Variants in ACSL3 observed in about 807,000 individuals in gnomAD.
ACSL3 encodes fatty acid CoA ligase Acsl3.
In ACSL3, 34 loss-of-function variants were observed where a neutral mutation model predicts 84.7. That is an observed-to-expected ratio of 0.40 (90% confidence interval 0.31 to 0.53). ACSL3 has a LOEUF of 0.53. Ranked by LOEUF, ACSL3 falls within the 20% of genes least tolerant of loss-of-function variation. The pLI, the probability that ACSL3 is intolerant of heterozygous loss-of-function variation, is 0.48. For synonymous variants in ACSL3, 315 were observed against 299.4 expected, an observed-to-expected ratio of 1.05 and a Z score of -0.54; for missense variants, 680 against 873.1, an observed-to-expected ratio of 0.78 and a Z score of 2.79.
chr2:222,878,578 T>C (rs1280459226), intron 1 of ACSL3, among the ~76,000 whole-genome samples: 1 of 152,214 alleles, frequency 6.6e-6, no homozygotes, highest in Non-Finnish European at 1.5e-5. Context: ...TTGAATATAC[T>C]GTTTCTGAGG....
intron 4 of ACSL3, among the ~76,000 whole-genome samples, chr2:222,913,478 A>G (rs1055495337): frequency 2.6e-5 from 4 of 151,896 alleles, no homozygotes; most frequent in African/African-American, 7.3e-5. Context: ...CTTTCATCCT[A>G]TTTATTAAAG....
At chr2:222,900,330 C>T (rs1696106152) in intron 2 of ACSL3, among the ~76,000 whole-genome samples, 1 of 152,092 alleles carries the variant, frequency 6.6e-6, no homozygotes, top group Admixed American at 6.6e-5. Flanking sequence ...CTTCTCGGCC[C>T]CATGGATTGG....
At chr2:222,940,777 A>G (rs6734103) in intron 16 of ACSL3, among the ~76,000 whole-genome samples, 62,995 of 152,118 alleles carry the variant, frequency 0.41, 13,655 homozygotes, top group East Asian at 0.76. Flanking sequence ...CGTGTAAGAT[A>G]TGCTATGATG....
Position 222,941,817 on chromosome 2 carries a change from A to G in ACSL3, c.*163A>G, listed in dbSNP as rs1385317487. The G allele has an allele frequency of 7.2e-6, 5 of 691,028 alleles. No individual in the cohort carries two copies. 42.8% of individuals were successfully genotyped at this position (691,028 alleles called of 1,614,324 possible). ...CTGACAGGATTAGTAAAACATTAAG[A>G]CAGCAAACTTGTGTCTGTCTCTTCT... On this transcript the variant is annotated 3_prime_UTR_variant, in exon 17 of 17. Transcript: ENST00000357430.
At chr2:222,941,346 T>A (rs1697300924) in intron 16 of ACSL3, 151 bp from the exon 17 acceptor site, 5 of 608,186 alleles carry the variant, frequency 8.2e-6, no homozygotes, top group Non-Finnish European at 1.1e-5. Context: ...TACTTATGTT[T>A]GTATTTTGAG....
chr2:222,916,323 T>C lies in ACSL3; in HGVS notation c.383T>C (p.Ile128Thr). ...AATTTTTTTTTGTTTTATCAGGTTA[T>C]TCTTGGACAGTATAATTGGCTTTCC... ...QPNGKIFKKV[I>T]LGQYNWLSYE... Residue 128 changes from isoleucine to threonine, a missense_variant, in exon 5 of 17, where the codon ATT becomes ACT. By Grantham distance (89) the Ile-to-Thr change is moderately conservative. This residue lies in a region of ACSL3 where 333 missense variants were observed against 347.5 expected (regional missense o/e 0.96). Transcript: ENST00000357430. The C allele has an allele frequency of 6.2e-7, 1 of 1,601,996 alleles. No homozygotes were observed. The highest frequency in any genetic ancestry group is 8.5e-7 in the Non-Finnish European group (1 of 1,174,342).
At chr2:222,900,030 G>A (rs1402253559) in intron 2 of ACSL3, among the ~76,000 whole-genome samples, 2 of 152,080 alleles carry the variant, frequency 1.3e-5, no homozygotes, top group African/African-American at 2.4e-5. Flanking sequence ...TGGTTCAAAC[G>A]CCTCTGACAG....
At chr2:222,923,344 T>C (rs926147970) in intron 10 of ACSL3, among the ~76,000 whole-genome samples, 195 bp downstream of exon 10, 1 of 152,260 alleles carries the variant, frequency 6.6e-6, no homozygotes, top group Non-Finnish European at 1.5e-5. Flanking sequence ...TACTAAGCAC[T>C]CAACTTAATT....
At chr2:222,922,335 C>A (rs1193560005) in intron 8 of ACSL3, among the ~76,000 whole-genome samples, 1 of 152,116 alleles carries the variant, frequency 6.6e-6, no homozygotes, top group Non-Finnish European at 1.5e-5. Context: ...TGGATGATTT[C>A]TTCTGTTCTT....
rs548007374 is a variant in ACSL3, at chr2:222,873,933, A to G, written c.-207+12675A>G. Among the ~76,000 whole-genome samples, 6 of 152,354 alleles carry G rather than the reference A, an allele frequency of 3.9e-5. No individual in the cohort carries two copies. In the South Asian group the frequency reaches 1.2e-3, roughly 32 times the overall value. On this transcript the variant is annotated intron_variant, in intron 1 of 16. Coordinates refer to ENST00000357430, the MANE Select transcript of ACSL3 (RefSeq NM_004457.5). ...TTTAAAGGCTCTTAATAAAAATTAC[A>G]ATTGCTTCCCAGAGAGGTTGTACTT... is the stretch of plus-strand genomic sequence containing the variant.
chr2:222,914,275 G>A (rs1380354586), intron 4 of ACSL3, among the ~76,000 whole-genome samples: 2 of 119,700 alleles, frequency 1.7e-5, no homozygotes, highest in South Asian at 2.5e-4. Context: ...GTGTGTGTGT[G>A]TGTATTTTGA....
intron 2 of ACSL3, among the ~76,000 whole-genome samples, chr2:222,897,993 T>G (rs1035688378): frequency 2.6e-5 from 4 of 152,230 alleles, no homozygotes; most frequent in African/African-American, 7.2e-5. Flanking sequence ...ACTGTCTTTC[T>G]GCCCTTTCTT....
intron 10 of ACSL3, among the ~76,000 whole-genome samples, chr2:222,923,655 G>A (rs1696798129): frequency 6.6e-6 from 1 of 152,122 alleles, no homozygotes; most frequent in African/African-American, 2.4e-5. Flanking sequence ...AAGGGAAATG[G>A]GGCAGCAGTG....
At chr2:222,892,942 A>G (rs1695878166) in intron 2 of ACSL3, among the ~76,000 whole-genome samples, 1 of 152,194 alleles carries the variant, frequency 6.6e-6, no homozygotes, top group Non-Finnish European at 1.5e-5. Flanking sequence ...ATTTCATACT[A>G]GCAAATACGG....
At chr2:222,868,319 G>A (rs1169262907) in intron 1 of ACSL3, among the ~76,000 whole-genome samples, 1 of 152,116 alleles carries the variant, frequency 6.6e-6, no homozygotes, top group African/African-American at 2.4e-5. Context: ...TAATTTCTAT[G>A]TCTCAATTTC....
Position 222,943,123 on chromosome 2 carries a change from C to A in ACSL3, c.*1469C>A. 4.5e-6 allele frequency: 1 copy of A among 220,902 alleles called. No individual in the cohort carries two copies. Among genetic ancestry groups the A allele is most frequent in the Non-Finnish European group, 9.0e-6 (1 of 111,318 alleles). 13.7% of individuals were successfully genotyped at this position (220,902 alleles called of 1,614,324 possible). ...AACAAAAACAAAAAAAAAGATGAAC[C>A]TAGGTCTGTGTAAAGTAAGGGGAGT... is the stretch of plus-strand genomic sequence containing the variant. On this transcript the variant is annotated 3_prime_UTR_variant, in exon 17 of 17. Coordinates refer to ENST00000357430, the MANE Select transcript of ACSL3 (RefSeq NM_004457.5).
At chr2:222,933,470 C>T (rs1697088305) in intron 15 of ACSL3, 190 bp downstream of exon 15, 2 of 494,706 alleles carry the variant, frequency 4.0e-6, no homozygotes, top group South Asian at 3.0e-5. Context: ...TGATCTTTCT[C>T]TCTGTCCCTG....
chr2:222,930,690 T>A lies in ACSL3; in HGVS notation c.1610T>A (p.Met537Lys), dbSNP rs201139500. The change falls in exon 14 of 17, where the codon ATG (methionine) becomes AAG (lysine). Residue 537 changes from methionine (M) to lysine (K), a missense_variant. Physicochemically the swap from Met to Lys is moderately conservative, Grantham distance 95. Around this residue, in one of 2 missense-constraint regions of ACSL3, gnomAD observed 347 missense variants for 525.7 expected, o/e 0.66. Transcript: ENST00000357430. ...EILIGGQSVT[M>K]GYYKNEAKTK... Reference sequence around the variant, plus strand: ...CTTATTGGGGGCCAAAGTGTGACAATGGGGTACTACAAAAATGAAGCAAAA... The same window carrying A: ...CTTATTGGGGGCCAAAGTGTGACAAAGGGGTACTACAAAAATGAAGCAAAA... 411 of 1,613,964 alleles carry A rather than the reference T, an allele frequency of 2.5e-4. No individual in the cohort carries two copies. The highest frequency in any genetic ancestry group is 2.1e-5 in the Non-Finnish European group (25 of 1,179,988).
intron 3 of ACSL3, among the ~76,000 whole-genome samples, chr2:222,903,608 G>T (rs2106113558): frequency 6.6e-6 from 1 of 152,288 alleles, no homozygotes; most frequent in South Asian, 2.1e-4. Context: ...ATTGAAAAGA[G>T]TTATATGAGT....
Sources: allele counts gnomAD v4.1 joint callset (sites outside exome capture counted in the v4.1 genomes callset), GRCh38; gene constraint gnomAD v4.1.1; regional missense constraint gnomAD v4.1.1; transcripts MANE v1.5; gene names NCBI Gene and HGNC (gene_info 2026-07-23, HGNC 2026-07-21).